The following SPHK1 variants were observed in gnomAD, a reference collection of about 807,000 sequenced individuals.
SPHK1 encodes sphingosine kinase 1.
SPHK1 carries 10 observed loss-of-function variants against 14.6 expected under a neutral mutation model. The ratio of observed to expected loss-of-function variants is 0.68; its 90% CI spans 0.42 to 1.16. The LOEUF is 1.16. Among genes scored for constraint, SPHK1 ranks in the 50% most tolerant of loss-of-function variants. SPHK1 has a pLI of 0.00. For missense variants in SPHK1, 553 were observed against 525.4 expected (o/e 1.05, Z -0.51); for synonymous variants, 274 against 224.0 (o/e 1.22, Z -1.99).
rs780393954 is a variant in SPHK1, at chr17:76,386,781, C to T, written c.375-25C>T. On this transcript the variant is annotated intron_variant, in intron 5 of 5. Transcript: ENST00000592299. This position sits in a 1 kb window ranked among gnomAD's most constrained non-coding sequence, Gnocchi z 5.3. The stretch of plus-strand genomic sequence containing the variant: ...GGATACATGGGGGCTCCTGTCCTGC[C>T]TTATCTGACTTTTTCCCCCTGCAGC... 7 of 1,526,236 alleles carry T rather than the reference C, an allele frequency of 4.6e-6. No homozygotes were observed. The highest frequency in any genetic ancestry group is 2.8e-5 in the African/African-American group (2 of 72,238). 94.5% of individuals were successfully genotyped at this position (1,526,236 alleles called of 1,614,324 possible).
chr17:76,387,349 G>A lies in SPHK1; in HGVS notation c.918G>A (p.Met306Ile), dbSNP rs971648031. The change falls in exon 6 of 6, where the codon ATG (methionine) becomes ATA (isoleucine). Residue 306 changes from methionine to isoleucine, a missense_variant. Physicochemically the swap from Met to Ile is conservative, Grantham distance 10. Transcript: ENST00000592299. This position sits in a 1 kb window ranked among gnomAD's most constrained non-coding sequence, Gnocchi z 4.1. Reference protein sequence around the residue: ...RAMLLRLFLAMEKGRHMEYEC... With the variant: ...RAMLLRLFLAIEKGRHMEYEC... ...TGCTGCTGCGCCTCTTCCTGGCCATGGAGAAGGGCAGGCATATGGAGTATG... is the reference window on the plus strand; with the variant it reads ...TGCTGCTGCGCCTCTTCCTGGCCATAGAGAAGGGCAGGCATATGGAGTATG... 8.1e-6 allele frequency: 13 copies of A among 1,613,772 alleles called. No individual in the cohort carries two copies. The highest frequency in any genetic ancestry group is 6.7e-5 in the African/African-American group (5 of 74,906).
At position 76,387,166 on chromosome 17, in the gene SPHK1, G is replaced by C. The variant is rs1420017520; in HGVS notation, c.735G>C (p.Val245=). The C allele has an allele frequency of 1.2e-6, 2 of 1,613,258 alleles. No individual in the cohort carries two copies. Among genetic ancestry groups the C allele is most frequent in the Non-Finnish European group, 8.5e-7 (1 of 1,180,010 alleles). The change falls in exon 6 of 6, where the codon GTG becomes GTC. Residue 245 remains valine (V), a synonymous_variant. Transcript: ENST00000592299. This position sits in a 1 kb window ranked among gnomAD's most constrained non-coding sequence, Gnocchi z 4.1. ...ACCTTGTGCCACTGGAGGAGCCAGT[G>C]CCCTCTCACTGGACAGTGGTGCCCG... The part of the protein sequence containing the change: ...DAHLVPLEEP[V]PSHWTVVPDE...
In SPHK1 at chr17:76,385,925, T is replaced by C. The variant is rs760692295; in HGVS notation, c.11-60T>C. ...AAGTTCCCACACTAGTGCCCCATTG[T>C]TACCCGTGGCCCCCTAGTGGTCGGT... On this transcript the variant is annotated intron_variant, in intron 2 of 5. Transcript: ENST00000592299. This position sits in a 1 kb window ranked among gnomAD's most constrained non-coding sequence, Gnocchi z 5.3. 5 of 1,542,700 alleles carry C rather than the reference T, an allele frequency of 3.2e-6. No individual in the cohort carries two copies. The highest frequency in any genetic ancestry group is 4.4e-6 in the Non-Finnish European group (5 of 1,141,300).
Position 76,385,860 on chromosome 17 carries a change from T to C in SPHK1, c.11-125T>C. ...CCCCAGGTCTCCCAGCAAAGGCCGC[T>C]CCTCTGGCCAGGGTCAATTACCGGG... On this transcript the variant is annotated intron_variant, in intron 2 of 5. Transcript: ENST00000592299. This position sits in a 1 kb window ranked among gnomAD's most constrained non-coding sequence, Gnocchi z 5.3. The C allele has an allele frequency of 6.7e-7, 1 of 1,483,262 alleles. No individual in the cohort carries two copies. The highest frequency in any genetic ancestry group is 1.3e-5 in the South Asian group (1 of 77,890). 91.9% of individuals were successfully genotyped at this position (1,483,262 alleles called of 1,614,324 possible). A position where few individuals can be genotyped will look rare whatever the true frequency, so the allele number is the denominator to read the frequency against.
rs2071973167 is a variant in SPHK1, at chr17:76,386,037, G to A, written c.63G>A (p.Leu21=). ...LPRPCRVLVL[L]NPRGGKGKAL... ...GGCCCTGCCGCGTGCTGGTGCTGCT[G>A]AACCCGCGCGGCGGCAAGGGCAAGG... is the stretch of plus-strand genomic sequence containing the variant. Residue 21 remains leucine (L), a synonymous_variant, in exon 3 of 6, where the codon CTG becomes CTA. Transcript: ENST00000592299. The surrounding 1 kb of genome is among the most constrained non-coding windows in gnomAD (Gnocchi z 5.3). The A allele has an allele frequency of 6.2e-7, 1 of 1,607,782 alleles. No individual in the cohort carries two copies. The highest frequency in any genetic ancestry group is 8.5e-7 in the Non-Finnish European group (1 of 1,177,106).
Position 76,386,791 on chromosome 17 carries a change from T to C in SPHK1, c.375-15T>C. The C allele has an allele frequency of 6.5e-7, 1 of 1,527,358 alleles. No individual in the cohort carries two copies. 94.6% of individuals were successfully genotyped at this position (1,527,358 alleles called of 1,614,324 possible). On this transcript the variant is annotated splice_polypyrimidine_tract_variant and intron_variant, in intron 5 of 5. Transcript: ENST00000592299. The surrounding 1 kb of genome is among the most constrained non-coding windows in gnomAD (Gnocchi z 5.3). ...GGGCTCCTGTCCTGCCTTATCTGACTTTTTCCCCCTGCAGCTATGAGCAGG... is the reference window on the plus strand; with the variant it reads ...GGGCTCCTGTCCTGCCTTATCTGACCTTTTCCCCCTGCAGCTATGAGCAGG...
chr17:76,385,778 C>T lies in SPHK1; in HGVS notation c.10+124C>T. 1 of 1,420,780 alleles carries T rather than the reference C, an allele frequency of 7.0e-7. No homozygotes were observed. Among genetic ancestry groups the T allele is most frequent in the Non-Finnish European group, 9.6e-7 (1 of 1,042,962 alleles). The allele number at this position is 1,420,780 out of a possible 1,614,324, so 88.0% of individuals were successfully genotyped here. Reference sequence around the variant, plus strand: ...GGGAGAAACATTATCCCTCACGAGGCCAGAAGCCGGCCGAATCTGAGCCAA... The same window carrying T: ...GGGAGAAACATTATCCCTCACGAGGTCAGAAGCCGGCCGAATCTGAGCCAA... On this transcript the variant is annotated intron_variant, in intron 2 of 5. Coordinates refer to ENST00000592299, the MANE Select transcript of SPHK1 (RefSeq NM_001142601.2). The surrounding 1 kb of genome is among the most constrained non-coding windows in gnomAD (Gnocchi z 5.3).
In SPHK1 at chr17:76,387,634, C is replaced by G. The variant is rs772008670; in HGVS notation, c.*48C>G. 2.0e-6 allele frequency: 3 copies of G among 1,524,770 alleles called. No homozygotes were observed. The East Asian group carries it at 6.8e-5, about 35-fold the overall frequency. 94.5% of individuals were successfully genotyped at this position (1,524,770 alleles called of 1,614,324 possible). A position where few individuals can be genotyped will look rare whatever the true frequency, so the allele number is the denominator to read the frequency against. ...AGTGTCTACTTGCAGGACCCTTCCT[C>G]CTTCCCTAGGGCTGCAGGGCCTGTC... On this transcript the variant is annotated 3_prime_UTR_variant, in exon 6 of 6. Coordinates refer to ENST00000592299, the MANE Select transcript of SPHK1 (RefSeq NM_001142601.2). The surrounding 1 kb of genome is among the most constrained non-coding windows in gnomAD (Gnocchi z 4.1).
Position 76,387,209 on chromosome 17 carries a change from G to A in SPHK1, c.778G>A (p.Val260Ile). ...GGTGCCCGACGAGGACTTTGTGCTA[G>A]TCCTGGCACTGCTGCACTCGCACCT... ...TVVPDEDFVLVLALLHSHLGS... is the reference protein window; with the variant it reads ...TVVPDEDFVLILALLHSHLGS... Residue 260 changes from valine (V) to isoleucine (I), a missense_variant, in exon 6 of 6, where the codon GTC (valine) becomes ATC (isoleucine). By Grantham distance (29) the Val-to-Ile change is conservative. Transcript: ENST00000592299. This position sits in a 1 kb window ranked among gnomAD's most constrained non-coding sequence, Gnocchi z 4.1. The A allele has an allele frequency of 6.2e-7, 1 of 1,613,124 alleles. No individual in the cohort carries two copies. Among genetic ancestry groups the A allele is most frequent in the South Asian group, 1.1e-5 (1 of 91,034 alleles).
Position 76,387,721 on chromosome 17 carries a change from C to A in SPHK1, c.*135C>A. 1 of 1,064,816 alleles carries A rather than the reference C, an allele frequency of 9.4e-7. No individual in the cohort carries two copies. The highest frequency in any genetic ancestry group is 1.3e-6 in the Non-Finnish European group (1 of 765,446). The allele number at this position is 1,064,816 out of a possible 1,614,324, so 66.0% of individuals were successfully genotyped here. A position where few individuals can be genotyped will look rare whatever the true frequency, so the allele number is the denominator to read the frequency against. Reference sequence around the variant, plus strand: ...GAAGGGTGAGAAGGTGGAGGCTATGCTTTGGGGGGACAGGCCAGAATGAAG... The same window carrying A: ...GAAGGGTGAGAAGGTGGAGGCTATGATTTGGGGGGACAGGCCAGAATGAAG... On this transcript the variant is annotated 3_prime_UTR_variant, in exon 6 of 6. Transcript: ENST00000592299. The surrounding 1 kb of genome is among the most constrained non-coding windows in gnomAD (Gnocchi z 4.1).
Position 76,387,155 on chromosome 17 carries a change from G to A in SPHK1, c.724G>A (p.Glu242Lys). The change falls in exon 6 of 6, where the codon GAG becomes AAG. Residue 242 changes from glutamate (E) to lysine (K), a missense_variant. Glu to Lys is a moderately conservative substitution (Grantham distance 56). Transcript: ENST00000592299. The surrounding 1 kb of genome is among the most constrained non-coding windows in gnomAD (Gnocchi z 4.1). ...GPVDAHLVPL[E>K]EPVPSHWTVV... ...GGTAGATGCACACCTTGTGCCACTG[G>A]AGGAGCCAGTGCCCTCTCACTGGAC... 1 of 1,613,210 alleles carries A rather than the reference G, an allele frequency of 6.2e-7. No homozygotes were observed. Among genetic ancestry groups the A allele is most frequent in the Non-Finnish European group, 8.5e-7 (1 of 1,180,000 alleles).
chr17:76,386,788 G>T lies in SPHK1; in HGVS notation c.375-18G>T, dbSNP rs1420450059. The stretch of plus-strand genomic sequence containing the variant: ...TGGGGGCTCCTGTCCTGCCTTATCT[G>T]ACTTTTTCCCCCTGCAGCTATGAGC... On this transcript the variant is annotated intron_variant, in intron 5 of 5. Coordinates refer to ENST00000592299, the MANE Select transcript of SPHK1 (RefSeq NM_001142601.2). The surrounding 1 kb of genome is among the most constrained non-coding windows in gnomAD (Gnocchi z 5.3). The T allele has an allele frequency of 1.3e-6, 2 of 1,527,634 alleles. No individual in the cohort carries two copies. The highest frequency in any genetic ancestry group is 1.8e-6 in the Non-Finnish European group (2 of 1,137,834). 94.6% of individuals were successfully genotyped at this position (1,527,634 alleles called of 1,614,324 possible).
rs143355437 is a variant in SPHK1, at chr17:76,387,473, G to A, written c.1042G>A (p.Glu348Lys). ...FAVDGELMVS[E>K]AVQGQVHPNY... ...AGTGGATGGGGAATTGATGGTTAGCGAGGCCGTGCAGGGCCAGGTGCACCC... is the reference window on the plus strand; with the variant it reads ...AGTGGATGGGGAATTGATGGTTAGCAAGGCCGTGCAGGGCCAGGTGCACCC... The change falls in exon 6 of 6, where the codon GAG becomes AAG. Residue 348 changes from glutamate to lysine, a missense_variant. Coordinates refer to ENST00000592299, the MANE Select transcript of SPHK1 (RefSeq NM_001142601.2). This position sits in a 1 kb window ranked among gnomAD's most constrained non-coding sequence, Gnocchi z 4.1. 16 of 1,613,438 alleles carry A rather than the reference G, an allele frequency of 9.9e-6. No individual in the cohort carries two copies. Among genetic ancestry groups the A allele is most frequent in the South Asian group, 2.2e-5 (2 of 91,082 alleles).
Position 76,386,823 on chromosome 17 carries a change from A to T in SPHK1, c.392A>T (p.Asn131Ile), listed in dbSNP as rs999712792. The T allele has an allele frequency of 1.3e-6, 2 of 1,556,906 alleles. No individual in the cohort carries two copies. Among genetic ancestry groups the T allele is most frequent in the Non-Finnish European group, 1.7e-6 (2 of 1,149,174 alleles). ...NHYAGYEQVT[N>I]EDLLTNCTLL... ...CCCTGCAGCTATGAGCAGGTCACCA[A>T]TGAAGACCTCCTGACCAACTGCACG... Residue 131 changes from asparagine (N) to isoleucine (I), a missense_variant, in exon 6 of 6, where the codon AAT (asparagine) becomes ATT (isoleucine). Physicochemically the swap from Asn to Ile is moderately radical, Grantham distance 149. Transcript: ENST00000592299. The surrounding 1 kb of genome is among the most constrained non-coding windows in gnomAD (Gnocchi z 5.3).
rs2072006788 is a variant in SPHK1 at position 76,387,226 on chromosome 17, C to T, written c.795C>T (p.His265=). 1.2e-6 allele frequency: 2 copies of T among 1,613,054 alleles called. No individual in the cohort carries two copies. Among genetic ancestry groups the T allele is most frequent in the African/African-American group, 1.3e-5 (1 of 74,910 alleles). ...TTGTGCTAGTCCTGGCACTGCTGCA[C>T]TCGCACCTGGGCAGTGAGATGTTTG... ...EDFVLVLALL[H]SHLGSEMFAA... Residue 265 remains histidine (H), a synonymous_variant, in exon 6 of 6, where the codon CAC becomes CAT. Transcript: ENST00000592299. The surrounding 1 kb of genome is among the most constrained non-coding windows in gnomAD (Gnocchi z 4.1).
chr17:76,387,109 C>T lies in SPHK1; in HGVS notation c.678C>T (p.Pro226=), dbSNP rs202235061. 19 of 1,613,296 alleles carry T rather than the reference C, an allele frequency of 1.2e-5. No homozygotes were observed. The highest frequency in any genetic ancestry group is 1.2e-4 in the Admixed American group (7 of 60,016). ...GRVGSKTPAS[P]VVVQQGPVDA... ...TGGGTTCCAAGACACCTGCCTCCCC[C>T]GTTGTGGTCCAGCAGGGCCCGGTAG... Residue 226 remains proline (P), a synonymous_variant, in exon 6 of 6, where the codon CCC becomes CCT. Transcript: ENST00000592299. The surrounding 1 kb of genome is among the most constrained non-coding windows in gnomAD (Gnocchi z 4.1).
chr17:76,385,662 G>A lies in SPHK1; in HGVS notation c.10+8G>A. 6.5e-7 allele frequency: 1 copy of A among 1,534,884 alleles called. No homozygotes were observed. Among genetic ancestry groups the A allele is most frequent in the Non-Finnish European group, 8.7e-7 (1 of 1,145,562 alleles). ...TCGAGGTTATGGATCCAGGTTTGTG[G>A]GGTTCCTGCTGGGAAGGGCTGTAGG... On this transcript the variant is annotated splice_region_variant and intron_variant, in intron 2 of 5. Transcript: ENST00000592299. This position sits in a 1 kb window ranked among gnomAD's most constrained non-coding sequence, Gnocchi z 5.3.
In SPHK1 at chr17:76,387,783, C is replaced by T. The variant is rs1016219757; in HGVS notation, c.*197C>T. 8.1e-6 allele frequency: 5 copies of T among 616,860 alleles called. No individual in the cohort carries two copies. Among genetic ancestry groups the T allele is most frequent in the Admixed American group, 6.4e-5 (2 of 31,434 alleles). 38.2% of individuals were successfully genotyped at this position (616,860 alleles called of 1,614,324 possible). A position where few individuals can be genotyped will look rare whatever the true frequency, so the allele number is the denominator to read the frequency against. ...GAGCCCAGCTGGCTGGGCCCAGCTGCCTATGTAAGGCCTTCTAGTTTGTTC... is the reference window on the plus strand; with the variant it reads ...GAGCCCAGCTGGCTGGGCCCAGCTGTCTATGTAAGGCCTTCTAGTTTGTTC... On this transcript the variant is annotated 3_prime_UTR_variant, in exon 6 of 6. Coordinates refer to ENST00000592299, the MANE Select transcript of SPHK1 (RefSeq NM_001142601.2). This position sits in a 1 kb window ranked among gnomAD's most constrained non-coding sequence, Gnocchi z 4.1.
chr17:76,386,842 C>T lies in SPHK1; in HGVS notation c.411C>T (p.Asn137=). 1 of 1,579,312 alleles carries T rather than the reference C, an allele frequency of 6.3e-7. No individual in the cohort carries two copies. Among genetic ancestry groups the T allele is most frequent in the East Asian group, 2.2e-5 (1 of 44,456 alleles). Reference sequence around the variant, plus strand: ...TCACCAATGAAGACCTCCTGACCAACTGCACGCTATTGCTGTGCCGCCGGC... The same window carrying T: ...TCACCAATGAAGACCTCCTGACCAATTGCACGCTATTGCTGTGCCGCCGGC... ...EQVTNEDLLT[N]CTLLLCRRLL... The change falls in exon 6 of 6, where the codon AAC becomes AAT. Residue 137 remains asparagine (N), a synonymous_variant. Coordinates refer to ENST00000592299, the MANE Select transcript of SPHK1 (RefSeq NM_001142601.2). This position sits in a 1 kb window ranked among gnomAD's most constrained non-coding sequence, Gnocchi z 5.3.
Sources: allele counts gnomAD v4.1 joint callset, GRCh38; gene constraint gnomAD v4.1.1; non-coding constraint Gnocchi (gnomAD v3.1); transcripts MANE v1.5; gene names NCBI Gene and HGNC (gene_info 2026-07-23, HGNC 2026-07-21).